The following PDZRN3 variants were observed in gnomAD, a reference collection of about 807,000 sequenced individuals.
PDZRN3 encodes the protein PDZ domain containing ring finger 3, also known as E3 ubiquitin-protein ligase PDZRN3.
In PDZRN3, 38 loss-of-function variants were observed where a neutral mutation model predicts 85.7. The ratio of observed to expected loss-of-function variants is 0.44; its 90% CI spans 0.34 to 0.58. The LOEUF is 0.58. Among genes scored for constraint, PDZRN3 ranks in the 20% least tolerant of loss-of-function variants. The pLI, the probability that PDZRN3 is intolerant of heterozygous loss-of-function variation, is 0.01. For missense variants in PDZRN3, 1,629 were observed against 1,506.4 expected (o/e 1.08, Z -1.35); for synonymous variants, 759 against 638.0 (o/e 1.19, Z -2.86).
intron 3 of PDZRN3, among the ~76,000 whole-genome samples, chr3:73,428,707 C>T (rs1702368832): frequency 6.6e-6 from 1 of 152,174 alleles, no homozygotes; most frequent in Non-Finnish European, 1.5e-5. Flanking sequence ...AATCTCTGGT[C>T]CCACCCTAGG....
In PDZRN3 at chr3:73,611,695, T is replaced by C. The variant is rs1702687424; in HGVS notation, c.724-3011A>G. On this transcript the variant is annotated intron_variant, in intron 1 of 9. Coordinates refer to ENST00000263666, the MANE Select transcript of PDZRN3 (RefSeq NM_015009.3). ...ATTACCAAAGGTTAATTGCTATTCT[T>C]TGACAACGTGATTCTGGTTTTTCCT... Among the ~76,000 whole-genome samples, 3 of 152,240 alleles carry C rather than the reference T, an allele frequency of 2.0e-5. No homozygotes were observed. The South Asian group carries it at 6.2e-4, about 31-fold the overall frequency.
intron 3 of PDZRN3, among the ~76,000 whole-genome samples, chr3:73,508,146 G>C (rs1704101622): frequency 6.6e-6 from 1 of 151,944 alleles, no homozygotes; most frequent in East Asian, 1.9e-4. Context: ...CAATAGGCTT[G>C]GCTATCGACT....
chr3:73,443,345 T>C (rs574295630), intron 3 of PDZRN3, among the ~76,000 whole-genome samples: 7 of 152,330 alleles, frequency 4.6e-5, no homozygotes, highest in South Asian at 4.1e-4. Context: ...TTTGGAGTCA[T>C]TGGCCTGGGT....
chr3:73,392,830 A>T (rs1701555799), intron 5 of PDZRN3, among the ~76,000 whole-genome samples: 2 of 152,206 alleles, frequency 1.3e-5, no homozygotes, highest in Non-Finnish European at 2.9e-5. Context: ...AAGTGGGTTT[A>T]AGGGTCATAT....
intron 3 of PDZRN3, among the ~76,000 whole-genome samples, chr3:73,465,846 T>G (rs182579766): frequency 6.6e-6 from 1 of 152,260 alleles, no homozygotes; most frequent in Non-Finnish European, 1.5e-5. Context: ...TGGATTCATT[T>G]ATCTCTCTTT....
At chr3:73,428,429 C>T (rs1230220742) in intron 3 of PDZRN3, among the ~76,000 whole-genome samples, 1 of 152,204 alleles carries the variant, frequency 6.6e-6, no homozygotes, top group Non-Finnish European at 1.5e-5. Flanking sequence ...ACAAACACTA[C>T]AAAATCCAAC....
chr3:73,603,502 T>C (rs1702546947), intron 2 of PDZRN3, among the ~76,000 whole-genome samples: 1 of 152,216 alleles, frequency 6.6e-6, no homozygotes, highest in South Asian at 2.1e-4. Context: ...ATAAATTAAA[T>C]GGCACAAGCA....
chr3:73,433,845 G>C, intron 3 of PDZRN3: 1 of 1,445,076 alleles, frequency 6.9e-7, no homozygotes, highest in Non-Finnish European at 9.1e-7. Context: ...CATTGGCGCT[G>C]CTCTCAGAGG....
intron 3 of PDZRN3, among the ~76,000 whole-genome samples, chr3:73,555,274 C>G (rs559112172): frequency 2.0e-5 from 3 of 151,952 alleles, no homozygotes; most frequent in African/African-American, 7.3e-5. Flanking sequence ...TCACTTGGGA[C>G]GAGGAAGAAA....
chr3:73,535,771 C>T (rs1009751538), intron 3 of PDZRN3, among the ~76,000 whole-genome samples: 3 of 152,166 alleles, frequency 2.0e-5, no homozygotes, highest in African/African-American at 7.2e-5. Flanking sequence ...GTGTAAATCT[C>T]GCCCATAATG....
chr3:73,401,082 G>A (rs2106720218), intron 4 of PDZRN3, 73 bp from the exon 5 acceptor site: 2 of 1,098,624 alleles, frequency 1.8e-6, no homozygotes, highest in Non-Finnish European at 1.4e-6. Flanking sequence ...CCCATTGTCA[G>A]GCCAGTGGCA....
At chr3:73,610,184 G>C (rs1483615837) in intron 1 of PDZRN3, among the ~76,000 whole-genome samples, 2 of 152,166 alleles carry the variant, frequency 1.3e-5, no homozygotes, top group Non-Finnish European at 2.9e-5. Flanking sequence ...TGTTTCTGAT[G>C]AAAGAACTAG....
chr3:73,540,277 G>C (rs1188019134), intron 3 of PDZRN3, among the ~76,000 whole-genome samples: 1 of 151,858 alleles, frequency 6.6e-6, no homozygotes, highest in East Asian at 1.9e-4. Flanking sequence ...GTTATGAATG[G>C]GTATTTCACA....
intron 1 of PDZRN3, among the ~76,000 whole-genome samples, chr3:73,612,886 G>T (rs148939180): frequency 3.3e-5 from 5 of 152,216 alleles, no homozygotes; most frequent in African/African-American, 1.2e-4. Flanking sequence ...GACTGCCTCA[G>T]TATGGCATCT....
intron 3 of PDZRN3, among the ~76,000 whole-genome samples, chr3:73,540,835 T>C (rs547579963): frequency 4.6e-5 from 7 of 152,302 alleles, no homozygotes; most frequent in Non-Finnish European, 1.0e-4. Context: ...AACAAATGAT[T>C]AGAGACTACA....
At chr3:73,518,962 G>A (rs1008768523) in intron 3 of PDZRN3, among the ~76,000 whole-genome samples, 3 of 152,206 alleles carry the variant, frequency 2.0e-5, no homozygotes, top group East Asian at 1.9e-4. Flanking sequence ...GACAAGTGAC[G>A]TACTTAAGAT....
chr3:73,384,352 G>C lies in PDZRN3; in HGVS notation c.2214C>G (p.His738Gln). 1 of 1,610,040 alleles carries C rather than the reference G, an allele frequency of 6.2e-7. No homozygotes were observed. The highest frequency in any genetic ancestry group is 8.5e-7 in the Non-Finnish European group (1 of 1,179,968). Reference sequence around the variant, plus strand: ...GGAGCTCGGTGATATCTGAGAGCTCGTGTCTGCGCACGTCGATGCTGGTGT... The same window carrying C: ...GGAGCTCGGTGATATCTGAGAGCTCCTGTCTGCGCACGTCGATGCTGGTGT... ...NYNTSIDVRRHELSDITELPE... is the reference protein window; with the variant it reads ...NYNTSIDVRRQELSDITELPE... Residue 738 changes from histidine to glutamine, a missense_variant, in exon 10 of 10, where the codon CAC becomes CAG. Physicochemically the swap from His to Gln is conservative, Grantham distance 24. Transcript: ENST00000263666.
In PDZRN3 at chr3:73,383,476, A is replaced by G. The variant is rs1212399630; in HGVS notation, c.3090T>C (p.Asn1030=). ...TCATCCAGTTATCGAAGATTTTCTT[A>G]TTCCTCTTCTTCATCATCTTTTTGT... ...LSHKKMMKKR[N]KKIFDNWMTI... Residue 1030 remains asparagine, a synonymous_variant, in exon 10 of 10, where the codon AAT becomes AAC. Transcript: ENST00000263666. The G allele has an allele frequency of 6.2e-7, 1 of 1,614,014 alleles. No homozygotes were observed. Among genetic ancestry groups the G allele is most frequent in the Admixed American group, 1.7e-5 (1 of 60,016 alleles).
chr3:73,396,739 T>C (rs1354334994), intron 5 of PDZRN3, among the ~76,000 whole-genome samples: 1 of 152,212 alleles, frequency 6.6e-6, no homozygotes, highest in Admixed American at 6.5e-5. Flanking sequence ...GCAGCCTACA[T>C]AGGATGCTAC....
Sources: allele counts gnomAD v4.1 joint callset (sites outside exome capture counted in the v4.1 genomes callset), GRCh38; gene constraint gnomAD v4.1.1; transcripts MANE v1.5; gene names NCBI Gene and HGNC (gene_info 2026-07-23, HGNC 2026-07-21).